NOMO1: variants seen among roughly 807,000 people sequenced by gnomAD.
NOMO1 encodes the protein NODAL modulator 1, also known as nodal modulator 3.
In NOMO1, 40 loss-of-function variants were observed where a neutral mutation model predicts 133.8. That is an observed-to-expected ratio of 0.30 (90% CI 0.23 to 0.39). The LOEUF (loss-of-function observed/expected upper bound fraction) is 0.39, where lower values mean the gene tolerates loss of function less well. Ranked by LOEUF, NOMO1 falls within the 10% of genes least tolerant of loss-of-function variation. The probability of loss-of-function intolerance (pLI) is 1.00; values close to 1 mark genes in which losing one functional copy is unlikely to be tolerated. For synonymous variants in NOMO1, 236 were observed against 570.5 expected (o/e 0.41, Z 8.36); for missense variants, 462 against 1,419.9 (o/e 0.33, Z 10.84).
At chr16:14,867,169 TATA>T (rs1336964144) in intron 15 of NOMO1, among the ~76,000 whole-genome samples, 3 of 21,132 alleles carry the variant, frequency 1.4e-4, no homozygotes, top group African/African-American at 2.7e-4. Flanking sequence ...TATATATATA[TATA>T]TATATTTTTT....
chr16:14,886,652 A>G (rs867722581), intron 27 of NOMO1, 109 bp from the exon 28 acceptor site: 42 of 1,583,388 alleles, frequency 2.7e-5, no homozygotes, highest in South Asian at 6.7e-5. Context: ...TCAAATATCC[A>G]TGTTTCCAAA....
chr16:14,839,267 GC>G lies in NOMO1; in HGVS notation c.255+772del, dbSNP rs930861603. On this transcript the variant is annotated intron_variant, in intron 2 of 30. Coordinates refer to ENST00000287667, the MANE Select transcript of NOMO1 (RefSeq NM_014287.4). The stretch of plus-strand genomic sequence containing the variant: ...GACGGGGTTTTGCCATGTTGGCCAG[GC>G]TGGTCTCGAACTCCTGACCTCAAGT... Among the ~76,000 whole-genome samples the G allele has an allele frequency of 9.2e-5, 14 of 151,950 alleles. 1 individual carries two copies. Among genetic ancestry groups the G allele is most frequent in the African/African-American group, 3.4e-4 (14 of 41,384 alleles).
At chr16:14,887,371 G>A (rs1036691951) in intron 28 of NOMO1, among the ~76,000 whole-genome samples, 17 of 151,374 alleles carry the variant, frequency 1.1e-4, no homozygotes, top group African/African-American at 3.6e-4. Flanking sequence ...TGGGCTCACT[G>A]CAAGCTCCGC....
At position 14,855,453 on chromosome 16, in the gene NOMO1, A is replaced by G. The variant is rs940439499; in HGVS notation, c.963+1427A>G. ...ATGTTAGAGTTATCGAAGCAATTAT[A>G]TTTTAATCACTTTCTTTTAATATTA... On this transcript the variant is annotated intron_variant, in intron 9 of 30. Transcript: ENST00000287667. Among the ~76,000 whole-genome samples, 4 of 151,822 alleles carry G rather than the reference A, an allele frequency of 2.6e-5. 1 individual carries two copies. The highest frequency in any genetic ancestry group is 5.9e-5 in the Non-Finnish European group (4 of 68,030).
intron 14 of NOMO1, among the ~76,000 whole-genome samples, chr16:14,865,900 T>A (rs1412242389): frequency 8.8e-6 from 1 of 114,144 alleles, no homozygotes; most frequent in Non-Finnish European, 1.8e-5. Context: ...TGTGTAACAG[T>A]GGCCAAGTCG....
chr16:14,866,773 T>C (rs1199474513), intron 15 of NOMO1, 82 bp downstream of exon 15: 62 of 1,608,676 alleles, frequency 3.9e-5, no homozygotes, highest in Non-Finnish European at 5.1e-5. Context: ...CCAGGAATAT[T>C]GTAAACGTAG....
Position 14,852,478 on chromosome 16 carries a change from C to A in NOMO1, c.631C>A (p.Pro211Thr). The change falls in exon 7 of 31, where the codon CCC (proline) becomes ACC (threonine). Residue 211 changes from proline to threonine, a missense_variant. Transcript: ENST00000287667. ...CAACTCCAATGCCAATGCGGCCAGT[C>A]CCCTCATAGTTGCTGGCTACAATGT... is the stretch of plus-strand genomic sequence containing the variant. ...VTNSNANAAS[P>T]LIVAGYNVSG... The A allele has an allele frequency of 6.7e-7, 1 of 1,493,530 alleles. No individual in the cohort carries two copies. Among genetic ancestry groups the A allele is most frequent in the East Asian group, 2.4e-5 (1 of 42,210 alleles). The allele number at this position is 1,493,530 out of a possible 1,614,324, so 92.5% of individuals were successfully genotyped here.
At chr16:14,841,969 G>A (rs1054339533) in intron 3 of NOMO1, among the ~76,000 whole-genome samples, 1 of 151,890 alleles carries the variant, frequency 6.6e-6, no homozygotes, top group African/African-American at 2.4e-5. Context: ...GTACTTGGAC[G>A]ATTAATAAAC....
intron 29 of NOMO1, among the ~76,000 whole-genome samples, chr16:14,894,366 C>G (rs937645991): frequency 1.3e-5 from 2 of 152,122 alleles, no homozygotes; most frequent in African/African-American, 4.8e-5. Context: ...GCTTCTGTTC[C>G]TGTACCATTG....
intron 6 of NOMO1, among the ~76,000 whole-genome samples, chr16:14,851,350 A>C (rs72789522): frequency 6.6e-6 from 1 of 152,016 alleles, no homozygotes; most frequent in Non-Finnish European, 1.5e-5. Flanking sequence ...AATTTGTGAC[A>C]AGCCCTGTGC....
chr16:14,893,206 T>C (rs1964431707), intron 29 of NOMO1, among the ~76,000 whole-genome samples: 1 of 151,828 alleles, frequency 6.6e-6, no homozygotes, highest in Non-Finnish European at 1.5e-5. Context: ...TCATTATTAT[T>C]TTTTTCTGAG....
intron 9 of NOMO1, among the ~76,000 whole-genome samples, chr16:14,856,842 T>C (rs1963845226): frequency 6.6e-6 from 1 of 151,486 alleles, no homozygotes; most frequent in Admixed American, 6.6e-5. Flanking sequence ...TCCAAAGTGA[T>C]GCCGGGGTGT....
intron 3 of NOMO1, 85 bp downstream of exon 3, chr16:14,841,492 CTA>C: frequency 1.8e-6 from 1 of 564,406 alleles, no homozygotes; most frequent in Non-Finnish European, 3.2e-6. Context: ...AGTGCATAAA[CTA>C]TTAAAATATT....
intron 15 of NOMO1, among the ~76,000 whole-genome samples, chr16:14,867,176 A>ATATT (rs1465653437): frequency 1.3e-4 from 1 of 7,476 alleles, no homozygotes. Context: ...ATATATATAT[A>ATATT]TTTTTTTTTT....
At chr16:14,888,648 G>T (rs1399325780) in intron 28 of NOMO1, 1 of 290,700 alleles carries the variant, frequency 3.4e-6, no homozygotes, top group African/African-American at 2.2e-5. Flanking sequence ...CCCTGGTGCC[G>T]TTCCAGGGAT....
intron 27 of NOMO1, 135 bp downstream of exon 27, chr16:14,884,617 C>T (rs1346160456): frequency 3.1e-5 from 40 of 1,275,654 alleles, no homozygotes; most frequent in Admixed American, 7.9e-5. Flanking sequence ...GCGCCGCCTG[C>T]TGAGGGTTGA....
chr16:14,862,508 T>C (rs937166635), intron 11 of NOMO1: 2 of 158,290 alleles, frequency 1.3e-5, no homozygotes, highest in African/African-American at 4.8e-5. Context: ...TCTCCCTGTT[T>C]GCTTTCATCC....
rs1187059054 is a variant in NOMO1 at position 14,882,566 on chromosome 16, G to A, written c.3028-28G>A. On this transcript the variant is annotated intron_variant, in intron 25 of 30. Coordinates refer to ENST00000287667, the MANE Select transcript of NOMO1 (RefSeq NM_014287.4). Reference sequence around the variant, plus strand: ...CACGATACGACAAGCCCCCTTTCTAGAGAGCTGACTCCTGAGTTTTTTTGC... The same window carrying A: ...CACGATACGACAAGCCCCCTTTCTAAAGAGCTGACTCCTGAGTTTTTTTGC... 39 of 1,611,478 alleles carry A rather than the reference G, an allele frequency of 2.4e-5. 1 individual carries two copies. Among genetic ancestry groups the A allele is most frequent in the Non-Finnish European group, 3.2e-5 (38 of 1,179,810 alleles).
Position 14,889,081 on chromosome 16 carries a change from C to T in NOMO1, c.3325-15C>T. 6.2e-7 allele frequency: 1 copy of T among 1,611,800 alleles called. No individual in the cohort carries two copies. The highest frequency in any genetic ancestry group is 8.5e-7 in the Non-Finnish European group (1 of 1,179,832). ...GCTGTCCTTGTAAAAATAACTTCTT[C>T]CCATGTGTGCACAGAACTATGTTGT... On this transcript the variant is annotated splice_polypyrimidine_tract_variant and intron_variant, in intron 28 of 30. Coordinates refer to ENST00000287667, the MANE Select transcript of NOMO1 (RefSeq NM_014287.4).
Sources: gnomAD v4.1 joint callset for allele counts (sites outside exome capture counted in the v4.1 genomes callset) on GRCh38, gnomAD v4.1.1 for gene constraint, MANE v1.5 for transcripts, NCBI Gene and HGNC (gene_info 2026-07-23, HGNC 2026-07-21) for gene names.